Variants in HEPACAM observed in about 807,000 individuals in gnomAD.
HEPACAM encodes hepatocyte cell adhesion molecule.
Under a neutral mutation model 38.3 loss-of-function variants are expected in HEPACAM, and 18 were observed. The observed-to-expected ratio is 0.47, with a 90% CI of 0.33 to 0.70. The LOEUF (loss-of-function observed/expected upper bound fraction) is 0.70, where lower values mean the gene tolerates loss of function less well. HEPACAM is among the 30% of genes least tolerant of loss of function. HEPACAM has a pLI of 0.03. For missense variants in HEPACAM, 466 were observed against 563.0 expected (o/e 0.83, Z 1.74); for synonymous variants, 216 against 243.1 (o/e 0.89, Z 1.04).
intron 1 of HEPACAM, among the ~76,000 whole-genome samples, chr11:124,926,288 G>A (rs938433504): frequency 6.6e-6 from 1 of 152,208 alleles, no homozygotes; most frequent in Non-Finnish European, 1.5e-5. Flanking sequence ...ATTAGTCATT[G>A]TCATACAGCA....
Position 124,920,032 on chromosome 11 carries a change from C to G in HEPACAM, c.*1106G>C. 1 of 1,607,508 alleles carries G rather than the reference C, an allele frequency of 6.2e-7. No individual in the cohort carries two copies. The highest frequency in any genetic ancestry group is 8.5e-7 in the Non-Finnish European group (1 of 1,176,596). ...TGTTAGTGTGATTAGGGAGTCTGCC[C>G]TTTTTCTGTGCCCTGGGACCTGAGC... On this transcript the variant is annotated 3_prime_UTR_variant, in exon 7 of 7. Coordinates refer to ENST00000298251, the MANE Select transcript of HEPACAM (RefSeq NM_152722.5).
In HEPACAM at chr11:124,921,552, C is replaced by T; in HGVS notation, c.949-112G>A. ...GGGAGGGACCTAGTTTCCCTCTGCA[C>T]GCCCACCTCCTGGAAGGCTGCAGAC... On this transcript the variant is annotated intron_variant, in intron 6 of 6. Transcript: ENST00000298251. This position sits in a 1 kb window ranked among gnomAD's most constrained non-coding sequence, Gnocchi z 4.6. The T allele has an allele frequency of 1.6e-6, 1 of 613,380 alleles. No homozygotes were observed. The highest frequency in any genetic ancestry group is 2.4e-6 in the Non-Finnish European group (1 of 424,608). The allele number at this position is 613,380 out of a possible 1,614,324, so 38.0% of individuals were successfully genotyped here.
At chr11:124,935,203 A>G (rs1947328045) in intron 1 of HEPACAM, among the ~76,000 whole-genome samples, 1 of 151,994 alleles carries the variant, frequency 6.6e-6, no homozygotes, top group African/African-American at 2.4e-5. Context: ...TCTGATTGCT[A>G]TGCATTCTCT....
chr11:124,934,082 C>T (rs2135408427), intron 1 of HEPACAM, among the ~76,000 whole-genome samples: 1 of 152,308 alleles, frequency 6.6e-6, no homozygotes, highest in East Asian at 1.9e-4. Context: ...TGCCACCCAA[C>T]TCCAGGCTAT....
intron 1 of HEPACAM, among the ~76,000 whole-genome samples, chr11:124,928,890 C>A (rs1165358299): frequency 1.3e-5 from 2 of 152,202 alleles, no homozygotes; most frequent in South Asian, 2.1e-4. Flanking sequence ...ATCAGGACCC[C>A]CTGAGGCTGT....
rs1381553540 is a variant in HEPACAM at position 124,919,891 on chromosome 11, C to A, written c.*1247G>T. The A allele has an allele frequency of 6.2e-7, 1 of 1,614,012 alleles. No individual in the cohort carries two copies. The highest frequency in any genetic ancestry group is 8.5e-7 in the Non-Finnish European group (1 of 1,180,014). On this transcript the variant is annotated 3_prime_UTR_variant, in exon 7 of 7. Transcript: ENST00000298251. ...CACAGAGGGCCTCCTTCTCTTTCAG[C>A]TTTTTAATTGCCCTCTCTCCTCACA...
rs1399768950 is a variant in HEPACAM at position 124,936,012 on chromosome 11, G to C, written c.-6C>G. The C allele has an allele frequency of 6.2e-7, 1 of 1,613,504 alleles. No homozygotes were observed. Among genetic ancestry groups the C allele is most frequent in the Non-Finnish European group, 8.5e-7 (1 of 1,179,678 alleles). ...GCTCCCCTTTCTCTCTTCATTTTGGGTGGCGTTCTCCAGCTCTAGTGCAGA... is the reference window on the plus strand; with the variant it reads ...GCTCCCCTTTCTCTCTTCATTTTGGCTGGCGTTCTCCAGCTCTAGTGCAGA... On this transcript the variant is annotated 5_prime_UTR_variant, in exon 1 of 7. Transcript: ENST00000298251.
rs1591555373 is a variant in HEPACAM, at chr11:124,935,905, A to G, written c.85+17T>C. 2 of 1,611,122 alleles carry G rather than the reference A, an allele frequency of 1.2e-6. No individual in the cohort carries two copies. The highest frequency in any genetic ancestry group is 2.7e-5 in the African/African-American group (2 of 74,618). On this transcript the variant is annotated intron_variant, in intron 1 of 6. Coordinates refer to ENST00000298251, the MANE Select transcript of HEPACAM (RefSeq NM_152722.5). ...GGGTCCTTTCTTCAGACCCTTTCTTACCCTCTGGCCTCCTACCTGTCTGGA... is the reference window on the plus strand; with the variant it reads ...GGGTCCTTTCTTCAGACCCTTTCTTGCCCTCTGGCCTCCTACCTGTCTGGA...
chr11:124,925,332 A>G (rs982859925), intron 1 of HEPACAM, among the ~76,000 whole-genome samples: 1 of 152,092 alleles, frequency 6.6e-6, no homozygotes, highest in African/African-American at 2.4e-5. Flanking sequence ...CACTTTGTCT[A>G]TTGCCTTTCT....
At chr11:124,930,780 T>C (rs1947272909) in intron 1 of HEPACAM, among the ~76,000 whole-genome samples, 1 of 152,306 alleles carries the variant, frequency 6.6e-6, no homozygotes. Flanking sequence ...TTTCACAAAA[T>C]AGTGCTGGGC....
chr11:124,924,793 T>A lies in HEPACAM; in HGVS notation c.362A>T (p.Glu121Val). Residue 121 changes from glutamate to valine, a missense_variant, in exon 2 of 7, where the codon GAG (glutamate) becomes GTG (valine). Transcript: ENST00000298251. This position sits in a 1 kb window ranked among gnomAD's most constrained non-coding sequence, Gnocchi z 4.4. ...GTCGTCGGTGATGGAGATCTCGACC[T>A]CATAGGTGCCCTCATCGGCCAGCTG... Reference protein sequence around the residue: ...DLQLADEGTYEVEISITDDTF... With the variant: ...DLQLADEGTYVVEISITDDTF... 2 of 1,614,098 alleles carry A rather than the reference T, an allele frequency of 1.2e-6. No homozygotes were observed. The highest frequency in any genetic ancestry group is 1.7e-6 in the Non-Finnish European group (2 of 1,180,014).
chr11:124,925,258 G>T lies in HEPACAM; in HGVS notation c.86-189C>A, dbSNP rs4936958. Among the ~76,000 whole-genome samples, 34,788 of 152,154 alleles carry T rather than the reference G, an allele frequency of 0.23. 5,162 individuals are homozygous for T. Among genetic ancestry groups the T allele is most frequent in the East Asian group, 0.68 (3,507 of 5,162 alleles). ...TAGCTCTGTGCACTTCTGCCCCTTT[G>T]TTCTCTCTCACAGCCATCTCATGGC... On this transcript the variant is annotated intron_variant, in intron 1 of 6. Transcript: ENST00000298251.
At position 124,920,509 on chromosome 11, in the gene HEPACAM, C is replaced by T. The variant is rs886047923; in HGVS notation, c.*629G>A. 1.4e-6 allele frequency: 2 copies of T among 1,471,010 alleles called. No homozygotes were observed. 91.1% of individuals were successfully genotyped at this position (1,471,010 alleles called of 1,614,324 possible). A position where few individuals can be genotyped will look rare whatever the true frequency, so the allele number is the denominator to read the frequency against. On this transcript the variant is annotated 3_prime_UTR_variant, in exon 7 of 7. Transcript: ENST00000298251. ...GAAAAGGAATGTACTCGTACCCTTC[C>T]CTCACCACCTTGTAGGTCCCCAGGT...
rs1403556331 is a variant in HEPACAM at position 124,920,843 on chromosome 11, T to C, written c.*295A>G. The C allele has an allele frequency of 3.3e-6, 4 of 1,217,420 alleles. No individual in the cohort carries two copies. The highest frequency in any genetic ancestry group is 3.2e-4 in the Middle Eastern group (1 of 3,078). 75.4% of individuals were successfully genotyped at this position (1,217,420 alleles called of 1,614,324 possible). A position where few individuals can be genotyped will look rare whatever the true frequency, so the allele number is the denominator to read the frequency against. On this transcript the variant is annotated 3_prime_UTR_variant, in exon 7 of 7. Transcript: ENST00000298251. ...AGTTTCCATAAAACCCTTTTGGGTA[T>C]TGGGCCAGAAATGTAATAATCTATG...
rs1020813562 is a variant in HEPACAM, at chr11:124,921,519, A to T, written c.949-79T>A. 7.1e-5 allele frequency: 67 copies of T among 942,990 alleles called. No homozygotes were observed. Among genetic ancestry groups the T allele is most frequent in the Admixed American group, 1.3e-4 (3 of 23,364 alleles). The allele number at this position is 942,990 out of a possible 1,614,324, so 58.4% of individuals were successfully genotyped here. On this transcript the variant is annotated intron_variant, in intron 6 of 6. Transcript: ENST00000298251. This position sits in a 1 kb window ranked among gnomAD's most constrained non-coding sequence, Gnocchi z 4.6. ...GCGCCTGGTGTTAGAGCTTGCTGGA[A>T]TTCCGAGGGGAGGGACCTAGTTTCC...
rs991362451 is a variant in HEPACAM at position 124,920,934 on chromosome 11, C to T, written c.*204G>A. Reference sequence around the variant, plus strand: ...GCCAGTAAACCGGAAGCAAATGCGACCCGGTTTCACCATATCAACACTGCC... The same window carrying T: ...GCCAGTAAACCGGAAGCAAATGCGATCCGGTTTCACCATATCAACACTGCC... On this transcript the variant is annotated 3_prime_UTR_variant, in exon 7 of 7. Coordinates refer to ENST00000298251, the MANE Select transcript of HEPACAM (RefSeq NM_152722.5). 1.3e-5 allele frequency: 17 copies of T among 1,352,808 alleles called. No individual in the cohort carries two copies. The highest frequency in any genetic ancestry group is 6.9e-5 in the Admixed American group (2 of 28,880). 83.8% of individuals were successfully genotyped at this position (1,352,808 alleles called of 1,614,324 possible).
In HEPACAM at chr11:124,921,125, A is replaced by T. The variant is rs770485895; in HGVS notation, c.*13T>A. 23 of 1,524,738 alleles carry T rather than the reference A, an allele frequency of 1.5e-5. No homozygotes were observed. The highest frequency in any genetic ancestry group is 1.8e-5 in the Non-Finnish European group (21 of 1,142,768). 94.5% of individuals were successfully genotyped at this position (1,524,738 alleles called of 1,614,324 possible). A position where few individuals can be genotyped will look rare whatever the true frequency, so the allele number is the denominator to read the frequency against. On this transcript the variant is annotated 3_prime_UTR_variant, in exon 7 of 7. Coordinates refer to ENST00000298251, the MANE Select transcript of HEPACAM (RefSeq NM_152722.5). The surrounding 1 kb of genome is among the most constrained non-coding windows in gnomAD (Gnocchi z 4.6). The stretch of plus-strand genomic sequence containing the variant: ...GCAGACCGCGGGCGCCTCTCAGGGG[A>T]TCCCGAGGCGGCTCAGGCGCTGATC...
intron 1 of HEPACAM, among the ~76,000 whole-genome samples, chr11:124,933,189 T>C (rs1947299889): frequency 6.6e-6 from 1 of 152,076 alleles, no homozygotes; most frequent in Admixed American, 6.6e-5. Flanking sequence ...AATTTTTTTT[T>C]TTGAGAAAGG....
chr11:124,921,059 C>T lies in HEPACAM; in HGVS notation c.*79G>A, dbSNP rs1373228524. ...CTCCCCTCGTCCCCAGCGCGCCGCG[C>T]CCGGGCTTCCCAGCCCCAGCTTTCC... On this transcript the variant is annotated 3_prime_UTR_variant, in exon 7 of 7. Coordinates refer to ENST00000298251, the MANE Select transcript of HEPACAM (RefSeq NM_152722.5). This position sits in a 1 kb window ranked among gnomAD's most constrained non-coding sequence, Gnocchi z 4.6. 6.8e-7 allele frequency: 1 copy of T among 1,473,718 alleles called. No homozygotes were observed. The highest frequency in any genetic ancestry group is 9.0e-7 in the Non-Finnish European group (1 of 1,116,782). 91.3% of individuals were successfully genotyped at this position (1,473,718 alleles called of 1,614,324 possible). A position where few individuals can be genotyped will look rare whatever the true frequency, so the allele number is the denominator to read the frequency against.
Sources: gnomAD v4.1 joint callset for allele counts (sites outside exome capture counted in the v4.1 genomes callset) on GRCh38, gnomAD v4.1.1 for gene constraint, Gnocchi (gnomAD v3.1) non-coding constraint, MANE v1.5 for transcripts, NCBI Gene and HGNC (gene_info 2026-07-23, HGNC 2026-07-21) for gene names.